The following ASTN2 variants were observed in gnomAD, a reference collection of about 807,000 sequenced individuals.
ASTN2 encodes the protein astrotactin-2.
Under a neutral mutation model 139.8 loss-of-function variants are expected in ASTN2, and 54 were observed. The observed-to-expected ratio is 0.39, with a 90% CI of 0.31 to 0.48. The LOEUF (loss-of-function observed/expected upper bound fraction) is 0.48. ASTN2 is among the 20% of genes least tolerant of loss of function. ASTN2 has a pLI of 0.95. For missense variants in ASTN2, 1,565 were observed against 1,725.1 expected, an observed-to-expected ratio of 0.91 and a Z score of 1.64; for synonymous variants, 756 against 719.5, an observed-to-expected ratio of 1.05 and a Z score of -0.81.
At chr9:116,569,920 G>A (rs938889358) in intron 19 of ASTN2, among the ~76,000 whole-genome samples, 3 of 152,170 alleles carry the variant, frequency 2.0e-5, no homozygotes, top group Non-Finnish European at 4.4e-5. Context: ...AATGTATTCC[G>A]TCATGCCGTC....
chr9:116,513,145 T>C (rs1850477908), intron 19 of ASTN2, among the ~76,000 whole-genome samples: 1 of 152,218 alleles, frequency 6.6e-6, no homozygotes, highest in Admixed American at 6.5e-5. Flanking sequence ...GTACCAGCTG[T>C]TCCTTTCCAT....
chr9:116,645,273 C>T (rs1003422820), intron 17 of ASTN2, among the ~76,000 whole-genome samples: 4 of 152,172 alleles, frequency 2.6e-5, no homozygotes, highest in Non-Finnish European at 4.4e-5. Flanking sequence ...CTGAGCCAAG[C>T]TCTGTGGCTT....
chr9:117,125,345 C>T (rs1829660092), intron 4 of ASTN2, among the ~76,000 whole-genome samples: 1 of 152,124 alleles, frequency 6.6e-6, no homozygotes, highest in Non-Finnish European at 1.5e-5. Context: ...TCCAGGGCAC[C>T]TCAATTCTGA....
chr9:116,450,475 C>T (rs1328550766), intron 20 of ASTN2, among the ~76,000 whole-genome samples: 2 of 152,208 alleles, frequency 1.3e-5, no homozygotes, highest in Non-Finnish European at 2.9e-5. Context: ...AGCTCTCTAA[C>T]TGCAGGTCTA....
intron 13 of ASTN2, among the ~76,000 whole-genome samples, chr9:116,734,299 C>T (rs909255503): frequency 3.3e-5 from 5 of 152,138 alleles, no homozygotes; most frequent in African/African-American, 1.2e-4. Flanking sequence ...CCCCAGAAAA[C>T]TGAACTGTGA....
intron 2 of ASTN2, among the ~76,000 whole-genome samples, chr9:117,257,210 T>C (rs933624645): frequency 3.3e-5 from 5 of 152,232 alleles, no homozygotes; most frequent in African/African-American, 1.2e-4. Context: ...ATTCATTAAA[T>C]GGATTTACTA....
chr9:117,087,480 G>C (rs1219547904), intron 5 of ASTN2, among the ~76,000 whole-genome samples: 1 of 152,046 alleles, frequency 6.6e-6, no homozygotes, highest in African/African-American at 2.4e-5. Context: ...CACCCACCCT[G>C]GCCTCCCAAA....
At chr9:117,253,961 A>G (rs928364093) in intron 2 of ASTN2, among the ~76,000 whole-genome samples, 6 of 152,116 alleles carry the variant, frequency 3.9e-5, no homozygotes, top group African/African-American at 1.4e-4. Flanking sequence ...CTGAGTCTGA[A>G]CGCTCACAGG....
chr9:116,469,595 C>A (rs369847493), intron 20 of ASTN2, among the ~76,000 whole-genome samples: 1 of 152,134 alleles, frequency 6.6e-6, no homozygotes, highest in Non-Finnish European at 1.5e-5. Flanking sequence ...ATTTATTGAA[C>A]CTTCATGAGC....
At chr9:116,889,629 T>C (rs77383404) in intron 10 of ASTN2, among the ~76,000 whole-genome samples, 1,560 of 152,098 alleles carry the variant, frequency 0.01, 11 homozygotes, top group Non-Finnish European at 0.018. Context: ...CTCATGCCTG[T>C]AATCCTAGCA....
At chr9:117,009,380 A>G (rs1837447915) in intron 6 of ASTN2, among the ~76,000 whole-genome samples, 1 of 152,168 alleles carries the variant, frequency 6.6e-6, no homozygotes, top group East Asian at 1.9e-4. Context: ...ATACATGCAC[A>G]TGTTCACACA....
chr9:117,258,889 A>C (rs1285964885), intron 2 of ASTN2, among the ~76,000 whole-genome samples: 1 of 152,172 alleles, frequency 6.6e-6, no homozygotes, highest in Non-Finnish European at 1.5e-5. Flanking sequence ...TAGATCCTGA[A>C]GGGATAGGGA....
At chr9:116,902,045 TAAAC>T (rs1268917569) in intron 10 of ASTN2, among the ~76,000 whole-genome samples, 1 of 152,024 alleles carries the variant, frequency 6.6e-6, no homozygotes, top group African/African-American at 2.4e-5. Context: ...AATAAATAAA[TAAAC>T]AAACATAATA....
rs1588144172 is a variant in ASTN2, at chr9:117,263,163, T to C, written c.630+28163A>G. Among the ~76,000 whole-genome samples, 5 of 152,158 alleles carry C rather than the reference T, an allele frequency of 3.3e-5. No homozygotes were observed. In the South Asian group the frequency reaches 1.0e-3, roughly 32 times the overall value. ...GCAAATTATAGTTCGCCCAGATACT[T>C]TGGCTAAAAATAAGAAGGACTCCTT... On this transcript the variant is annotated intron_variant, in intron 2 of 22. Coordinates refer to ENST00000313400, the MANE Select transcript of ASTN2 (RefSeq NM_001365068.1).
At chr9:116,561,726 T>A (rs931713282) in intron 19 of ASTN2, among the ~76,000 whole-genome samples, 1 of 152,214 alleles carries the variant, frequency 6.6e-6, no homozygotes, top group Admixed American at 6.5e-5. Flanking sequence ...ATCTATTACA[T>A]ACCACAACTA....
intron 19 of ASTN2, among the ~76,000 whole-genome samples, chr9:116,589,034 A>G (rs1854271859): frequency 6.6e-6 from 1 of 152,194 alleles, no homozygotes; most frequent in Non-Finnish European, 1.5e-5. Context: ...AATCCCAATA[A>G]TTAGCAAATA....
At chr9:116,972,846 C>T (rs1465683327) in intron 10 of ASTN2, among the ~76,000 whole-genome samples, 3 of 152,302 alleles carry the variant, frequency 2.0e-5, no homozygotes, top group East Asian at 1.9e-4. Flanking sequence ...GCTTACCTTC[C>T]GTTTCCCTTT....
chr9:117,204,648 AT>A (rs534566107), intron 3 of ASTN2, among the ~76,000 whole-genome samples: 9 of 152,290 alleles, frequency 5.9e-5, no homozygotes, highest in African/African-American at 1.9e-4. Flanking sequence ...AAGATAACTG[AT>A]GTAGAAACTG....
At position 116,645,114 on chromosome 9, in the gene ASTN2, C is replaced by G. The variant is rs1050304019; in HGVS notation, c.3072+6414G>C. Among the ~76,000 whole-genome samples the G allele has an allele frequency of 3.9e-5, 6 of 152,280 alleles. No homozygotes were observed. The East Asian group carries it at 9.6e-4, about 24-fold the overall frequency. On this transcript the variant is annotated intron_variant, in intron 17 of 22. Transcript: ENST00000313400. ...ATAAGTAAAAGTCAGATCACATAGA[C>G]AGTAAATGGCAGAGAAGGGATTCAA... is the stretch of plus-strand genomic sequence containing the variant.
Sources: gnomAD v4.1 joint callset for allele counts (sites outside exome capture counted in the v4.1 genomes callset) on GRCh38, gnomAD v4.1.1 for gene constraint, MANE v1.5 for transcripts, NCBI Gene and HGNC (gene_info 2026-07-23, HGNC 2026-07-21) for gene names.